Variants in TEX29 observed in about 807,000 individuals in gnomAD.
The protein encoded by TEX29 is testis-expressed protein 29.
A neutral mutation model predicts 18.2 loss-of-function variants in TEX29; 26 were observed. The observed-to-expected ratio is 1.43, with a 90% CI of 1.04 to 1.98. TEX29 has a LOEUF of 1.98. Among genes scored for constraint, TEX29 ranks in the 30% most tolerant of loss-of-function variants. The probability of loss-of-function intolerance (pLI) is 0.00; values close to 1 mark genes in which losing one functional copy is unlikely to be tolerated. For missense variants in TEX29, 177 were observed against 194.2 expected, an observed-to-expected ratio of 0.91 and a Z score of 0.53; for synonymous variants, 83 against 78.5, an observed-to-expected ratio of 1.06 and a Z score of -0.31.
intron 3 of TEX29, among the ~76,000 whole-genome samples, chr13:111,331,515 C>T (rs913463893): frequency 6.6e-6 from 1 of 151,972 alleles, no homozygotes; most frequent in African/African-American, 2.4e-5. Context: ...CATGTCTTTT[C>T]TTTTTCTTGA....
rs767705224 is a variant in TEX29 at position 111,328,304 on chromosome 13, G to A, written c.169+11G>A. ...AGAAAGCGGTTCCCAGTGAGTAGAC[G>A]CCCCGGCCACCCCGTGGCGGAAGCC... On this transcript the variant is annotated intron_variant, in intron 3 of 5. Transcript: ENST00000283547. 1.2e-5 allele frequency: 19 copies of A among 1,601,284 alleles called. No homozygotes were observed. The highest frequency in any genetic ancestry group is 1.6e-5 in the Non-Finnish European group (19 of 1,169,684).
At chr13:111,323,120 G>A (rs535075565) in intron 2 of TEX29, among the ~76,000 whole-genome samples, 3 of 152,232 alleles carry the variant, frequency 2.0e-5, no homozygotes, top group Non-Finnish European at 4.4e-5. Flanking sequence ...TCCCATGTGG[G>A]TGCAGAGCCC....
intron 2 of TEX29, among the ~76,000 whole-genome samples, chr13:111,322,469 A>T (rs986652646): frequency 4.6e-5 from 7 of 152,184 alleles, no homozygotes; most frequent in African/African-American, 1.7e-4. Flanking sequence ...TGTGTGTACA[A>T]GCTGCTGCTG....
chr13:111,328,268 C>T lies in TEX29; in HGVS notation c.144C>T (p.Gly48=), dbSNP rs549421989. The T allele has an allele frequency of 5.1e-5, 83 of 1,613,786 alleles. No individual in the cohort carries two copies. Among genetic ancestry groups the T allele is most frequent in the Admixed American group, 4.2e-4 (25 of 60,030 alleles). The change falls in exon 3 of 6, where the codon GGC becomes GGT. Residue 48 remains glycine (G), a synonymous_variant. Transcript: ENST00000283547. The part of the protein sequence containing the change: ...CQELGCCFYE[G]VCYKKAVPIY... ...AGCTCGGGTGCTGCTTCTACGAAGG[C>T]GTCTGCTACAAGAAAGCGGTTCCCA...
chr13:111,340,020 G>C, intron 4 of TEX29, 88 bp downstream of exon 4: 1 of 1,309,272 alleles, frequency 7.6e-7, no homozygotes, highest in Non-Finnish European at 1.1e-6. Flanking sequence ...GGGCTCCTTC[G>C]GGCTTGGTGC....
chr13:111,326,183 G>A (rs2093672611), intron 2 of TEX29, among the ~76,000 whole-genome samples: 1 of 152,254 alleles, frequency 6.6e-6, no homozygotes. Flanking sequence ...GCTGGCTGGT[G>A]TCTGCTGGGG....
At chr13:111,323,761 C>T (rs1317981567) in intron 2 of TEX29, among the ~76,000 whole-genome samples, 6 of 152,036 alleles carry the variant, frequency 3.9e-5, no homozygotes, top group Admixed American at 6.5e-5. Context: ...GATCCCCATC[C>T]GTGGTTCACA....
At chr13:111,336,559 C>CT (rs34514056) in intron 3 of TEX29, among the ~76,000 whole-genome samples, 44,279 of 152,102 alleles carry the variant, frequency 0.29, 8,151 homozygotes, top group Non-Finnish European at 0.41. Flanking sequence ...AAAGACTTGC[C>CT]TTCATTCTTC....
At position 111,320,952 on chromosome 13, in the gene TEX29, T is replaced by C. The variant is rs1247807537; in HGVS notation, c.58+4T>C. On this transcript the variant is annotated splice_donor_region_variant and intron_variant, in intron 2 of 5. Coordinates refer to ENST00000283547, the MANE Select transcript of TEX29 (RefSeq NM_152324.3). Reference sequence around the variant, plus strand: ...CACCTCCTGAAGCAATTCACAGGTATGGAGGGAAGGCGCCAGGGGGGCGGG... The same window carrying C: ...CACCTCCTGAAGCAATTCACAGGTACGGAGGGAAGGCGCCAGGGGGGCGGG... 3 of 905,678 alleles carry C rather than the reference T, an allele frequency of 3.3e-6. No individual in the cohort carries two copies. The highest frequency in any genetic ancestry group is 4.4e-6 in the Non-Finnish European group (3 of 687,140). 56.1% of individuals were successfully genotyped at this position (905,678 alleles called of 1,614,324 possible). A position where few individuals can be genotyped will look rare whatever the true frequency, so the allele number is the denominator to read the frequency against.
chr13:111,322,894 C>T (rs774826936), intron 2 of TEX29, among the ~76,000 whole-genome samples: 2 of 152,138 alleles, frequency 1.3e-5, no homozygotes, highest in Admixed American at 6.5e-5. Flanking sequence ...GTGGCCTCAG[C>T]GGGCAGGTGG....
At chr13:111,341,876 A>T (rs2093697019) in intron 4 of TEX29, among the ~76,000 whole-genome samples, 1 of 152,192 alleles carries the variant, frequency 6.6e-6, no homozygotes, top group South Asian at 2.1e-4. Context: ...CCGGACTGGG[A>T]TGATTGACGC....
intron 2 of TEX29, among the ~76,000 whole-genome samples, chr13:111,324,932 T>C (rs1189606844): frequency 6.6e-6 from 1 of 152,136 alleles, no homozygotes; most frequent in African/African-American, 2.4e-5. Flanking sequence ...AGGAGGTGGC[T>C]GGCGGGAAGT....
At chr13:111,327,462 G>A (rs572161942) in intron 2 of TEX29, among the ~76,000 whole-genome samples, 2 of 152,172 alleles carry the variant, frequency 1.3e-5, no homozygotes, top group African/African-American at 4.8e-5. Flanking sequence ...ATGGAGCCTG[G>A]CTTTGTGGGA....
chr13:111,342,668 G>A, intron 4 of TEX29, 88 bp from the exon 5 acceptor site: 3 of 1,311,590 alleles, frequency 2.3e-6, no homozygotes, highest in Non-Finnish European at 3.1e-6. Flanking sequence ...TGTGTTTTCA[G>A]AGGGATGTCC....
intron 4 of TEX29, among the ~76,000 whole-genome samples, chr13:111,342,408 T>G (rs2093697939): frequency 6.6e-6 from 1 of 151,964 alleles, no homozygotes; most frequent in Non-Finnish European, 1.5e-5. Flanking sequence ...GAAACTAAAA[T>G]GAGGCTGGAT....
At chr13:111,326,282 T>C in intron 2 of TEX29, among the ~76,000 whole-genome samples, 2 of 69,424 alleles carry the variant, frequency 2.9e-5, no homozygotes, top group African/African-American at 6.3e-5. Context: ...TCTGGTGGGG[T>C]GGAAGAGACT....
chr13:111,338,169 GA>G (rs1479762212), intron 3 of TEX29, among the ~76,000 whole-genome samples: 1 of 152,130 alleles, frequency 6.6e-6, no homozygotes, highest in Non-Finnish European at 1.5e-5. Flanking sequence ...TGCATATGTT[GA>G]AGTTTAGATC....
chr13:111,327,289 A>G (rs910148161), intron 2 of TEX29, among the ~76,000 whole-genome samples: 1 of 152,222 alleles, frequency 6.6e-6, no homozygotes, highest in Non-Finnish European at 1.5e-5. Flanking sequence ...TGTCTTGAGA[A>G]GGGGAACCTG....
intron 3 of TEX29, among the ~76,000 whole-genome samples, chr13:111,334,100 T>G (rs1214504492): frequency 2.0e-5 from 3 of 152,260 alleles, no homozygotes; most frequent in Non-Finnish European, 4.4e-5. Flanking sequence ...TTTCTATTAA[T>G]GGCATTTTTT....
Sources: allele counts gnomAD v4.1 joint callset (sites outside exome capture counted in the v4.1 genomes callset), GRCh38; gene constraint gnomAD v4.1.1; transcripts MANE v1.5; gene names NCBI Gene and HGNC (gene_info 2026-07-23, HGNC 2026-07-21).